The following USP43 variants were observed in gnomAD, a reference collection of about 807,000 sequenced individuals.
USP43 encodes the protein ubiquitin carboxyl-terminal hydrolase 43.
Under a neutral mutation model 90.7 loss-of-function variants are expected in USP43, and 33 were observed. The observed-to-expected ratio is 0.36, with a 90% CI of 0.28 to 0.49. The LOEUF (loss-of-function observed/expected upper bound fraction) is 0.49. Among genes scored for constraint, USP43 ranks in the 20% least tolerant of loss-of-function variants. The pLI is 0.98. For missense variants in USP43, 1,274 were observed against 1,476.4 expected (o/e 0.86, Z 2.25); for synonymous variants, 598 against 615.8 (o/e 0.97, Z 0.43).
intron 14 of USP43, among the ~76,000 whole-genome samples, chr17:9,724,167 C>A (rs1459671095): frequency 1.3e-5 from 2 of 152,126 alleles, no homozygotes; most frequent in Non-Finnish European, 2.9e-5. Context: ...GCAGCTTTGG[C>A]TCCCAGGGGC....
Position 9,682,842 on chromosome 17 carries a change from G to T in USP43, c.1125G>T (p.Ser375=), listed in dbSNP as rs371003431. ...TTCTAGCTCATCCACTGGGTCTGTCGGCCTCCCCACGCCTGGCAGCCCGTG... is the reference window on the plus strand; with the variant it reads ...TTCTAGCTCATCCACTGGGTCTGTCTGCCTCCCCACGCCTGGCAGCCCGTG... The part of the protein sequence containing the change: ...GTLSAHPLGL[S]ASPRLAAREG... Residue 375 remains serine (S), a synonymous_variant, in exon 7 of 15, where the codon TCG becomes TCT. Coordinates refer to ENST00000285199, the MANE Select transcript of USP43 (RefSeq NM_153210.5). The T allele has an allele frequency of 1.2e-6, 2 of 1,613,892 alleles. No individual in the cohort carries two copies. Among genetic ancestry groups the T allele is most frequent in the Non-Finnish European group, 8.5e-7 (1 of 1,179,832 alleles).
At chr17:9,658,315 T>A (rs1373928027) in intron 2 of USP43, among the ~76,000 whole-genome samples, 1 of 152,144 alleles carries the variant, frequency 6.6e-6, no homozygotes, top group Non-Finnish European at 1.5e-5. Context: ...CTTTATGTTT[T>A]CCAACTGTTA....
At chr17:9,717,383 G>T (rs549792216) in intron 14 of USP43, among the ~76,000 whole-genome samples, 1 of 152,002 alleles carries the variant, frequency 6.6e-6, no homozygotes, top group Admixed American at 6.6e-5. Flanking sequence ...GTGTGTGTGT[G>T]TGTGTGTGTA....
rs1362700868 is a variant in USP43 at position 9,709,343 on chromosome 17, T to C, written c.2012-613T>C. Among the ~76,000 whole-genome samples, 1 of 152,186 alleles carries C rather than the reference T, an allele frequency of 6.6e-6. No homozygotes were observed. The highest frequency in any genetic ancestry group is 1.5e-5 in the Non-Finnish European group (1 of 68,042). On this transcript the variant is annotated intron_variant, in intron 12 of 14. Coordinates refer to ENST00000285199, the MANE Select transcript of USP43 (RefSeq NM_153210.5). The surrounding 1 kb of genome is among the most constrained non-coding windows in gnomAD (Gnocchi z 5.0). Reference sequence around the variant, plus strand: ...AGAAATGGGGTGAACGCTGACATTATTGTTTGGCTACCTAACTTGGGAGCT... The same window carrying C: ...AGAAATGGGGTGAACGCTGACATTACTGTTTGGCTACCTAACTTGGGAGCT...
chr17:9,646,755 AGCCC>A (rs1212463752), intron 1 of USP43, among the ~76,000 whole-genome samples: 1 of 152,190 alleles, frequency 6.6e-6, no homozygotes, highest in Non-Finnish European at 1.5e-5. Context: ...TTTTATTCTA[AGCCC>A]AGTGGAATCT....
In USP43 at chr17:9,686,111, T is replaced by A; in HGVS notation, c.1242-687T>A. 6.6e-6 allele frequency among the ~76,000 whole-genome samples: 1 copy of A among 152,218 alleles called. No individual in the cohort carries two copies. The highest frequency in any genetic ancestry group is 1.9e-4 in the East Asian group (1 of 5,194). On this transcript the variant is annotated intron_variant, in intron 7 of 14. Transcript: ENST00000285199. This position sits in a 1 kb window ranked among gnomAD's most constrained non-coding sequence, Gnocchi z 5.5. ...CTTAACATAATGTCCTCCAGCCTCA[T>A]CCATCTTGCCGCAAACAACAGGATT... is the stretch of plus-strand genomic sequence containing the variant.
chr17:9,699,519 A>G lies in USP43; in HGVS notation c.1458-653A>G, dbSNP rs141384740. ...CCTTTTCTTGCAACACATTTGAAACACTCCTTTGGGTGTGGACGTTGCCAT... is the reference window on the plus strand; with the variant it reads ...CCTTTTCTTGCAACACATTTGAAACGCTCCTTTGGGTGTGGACGTTGCCAT... On this transcript the variant is annotated intron_variant, in intron 9 of 14. Transcript: ENST00000285199. Among the ~76,000 whole-genome samples the G allele has an allele frequency of 3.1e-3, 475 of 151,928 alleles. 1 individual carries two copies. The highest frequency in any genetic ancestry group is 6.3e-3 in the South Asian group (30 of 4,796).
intron 14 of USP43, among the ~76,000 whole-genome samples, chr17:9,715,947 CTA>C (rs201382749): frequency 0.019 from 2,814 of 146,034 alleles, 84 homozygotes; most frequent in African/African-American, 0.067. Context: ...TTCTGTGTGT[CTA>C]TGTGTATGTA....
At chr17:9,727,259 A>G (rs902396097) in intron 14 of USP43, among the ~76,000 whole-genome samples, 1 of 152,222 alleles carries the variant, frequency 6.6e-6, no homozygotes, top group African/African-American at 2.4e-5. Context: ...GCAAAAATAC[A>G]CAACCTTGGT....
At chr17:9,704,978 T>C (rs1303084951) in intron 12 of USP43, among the ~76,000 whole-genome samples, 1 of 152,234 alleles carries the variant, frequency 6.6e-6, no homozygotes, top group Non-Finnish European at 1.5e-5. Flanking sequence ...TTTGTTTCAT[T>C]TTAAATGTGG....
chr17:9,717,674 C>T (rs1035986266), intron 14 of USP43, among the ~76,000 whole-genome samples: 1 of 151,488 alleles, frequency 6.6e-6, no homozygotes, highest in Non-Finnish European at 1.5e-5. Context: ...AGTGTGAGTG[C>T]GAGTCTCCCT....
rs1491455898 is a variant in USP43, at chr17:9,681,462, T to TTTTTTA, written c.1105+1097_1105+1098insTTTTAT. Among the ~76,000 whole-genome samples the TTTTTTA allele has an allele frequency of 9.3e-3, 172 of 18,566 alleles. 3 individuals are homozygous for TTTTTTA. The highest frequency in any genetic ancestry group is 0.029 in the East Asian group (8 of 272). The allele number at this position is 18,566 out of a possible 152,430, so 12.2% of individuals were successfully genotyped here. A position where few individuals can be genotyped will look rare whatever the true frequency, so the allele number is the denominator to read the frequency against. Reference sequence around the variant, plus strand: ...TATAGATAAATATATATAAAATATATTATATATATATATATATATATATAT... The same window carrying TTTTTTA: ...TATAGATAAATATATATAAAATATATTTTTTATATATATATATATATATATATATAT... On this transcript the variant is annotated intron_variant, in intron 6 of 14. Coordinates refer to ENST00000285199, the MANE Select transcript of USP43 (RefSeq NM_153210.5).
At chr17:9,668,105 T>C (rs760543956) in intron 3 of USP43, among the ~76,000 whole-genome samples, 2 of 152,250 alleles carry the variant, frequency 1.3e-5, no homozygotes, top group Non-Finnish European at 2.9e-5. Context: ...TTCTCTATTA[T>C]GGATACCAAA....
chr17:9,656,549 A>G lies in USP43; in HGVS notation c.636+15A>G, dbSNP rs77805894. 0.029 allele frequency: 46,860 copies of G among 1,606,828 alleles called. 850 individuals carry two copies. The highest frequency in any genetic ancestry group is 0.06 in the Middle Eastern group (361 of 6,006). Reference sequence around the variant, plus strand: ...TGTCGGAGAAGGTCGGTCACTCTCAAAACAACACAATGTACTGGGTTTTCT... The same window carrying G: ...TGTCGGAGAAGGTCGGTCACTCTCAGAACAACACAATGTACTGGGTTTTCT... On this transcript the variant is annotated intron_variant, in intron 2 of 14. Transcript: ENST00000285199.
intron 7 of USP43, among the ~76,000 whole-genome samples, chr17:9,684,107 A>C (rs1914457280): frequency 6.6e-6 from 1 of 152,096 alleles, no homozygotes; most frequent in African/African-American, 2.4e-5. Flanking sequence ...ACTGCACTCC[A>C]GCCTGGGCGA....
rs1913630469 is a variant in USP43, at chr17:9,674,320, A to G, written c.741-571A>G. Among the ~76,000 whole-genome samples the G allele has an allele frequency of 6.6e-6, 1 of 152,188 alleles. No individual in the cohort carries two copies. Among genetic ancestry groups the G allele is most frequent in the South Asian group, 2.1e-4 (1 of 4,822 alleles). ...AAGTTAAGCATTCTAAAGCGTACAA[A>G]TCAGTGACATGTACATTCACAGTGT... On this transcript the variant is annotated intron_variant, in intron 3 of 14. Coordinates refer to ENST00000285199, the MANE Select transcript of USP43 (RefSeq NM_153210.5). The surrounding 1 kb of genome is among the most constrained non-coding windows in gnomAD (Gnocchi z 4.4).
intron 8 of USP43, among the ~76,000 whole-genome samples, chr17:9,692,342 G>C (rs544101283): frequency 1.3e-5 from 2 of 152,304 alleles, no homozygotes; most frequent in African/African-American, 4.8e-5. Context: ...CTGGGCGACA[G>C]AGTGAGACTT....
intron 8 of USP43, among the ~76,000 whole-genome samples, chr17:9,690,998 C>T (rs973950624): frequency 3.3e-5 from 5 of 152,130 alleles, no homozygotes; most frequent in Non-Finnish European, 7.3e-5. Context: ...TTTTAGGTAC[C>T]TTATATAACT....
chr17:9,653,851 C>G (rs1912043710), intron 1 of USP43, among the ~76,000 whole-genome samples: 1 of 152,056 alleles, frequency 6.6e-6, no homozygotes, highest in Non-Finnish European at 1.5e-5. Flanking sequence ...AGGGGAGAAC[C>G]TAGGGGCTGG....
Sources: gnomAD v4.1 joint callset for allele counts (sites outside exome capture counted in the v4.1 genomes callset) on GRCh38, gnomAD v4.1.1 for gene constraint, Gnocchi (gnomAD v3.1) non-coding constraint, MANE v1.5 for transcripts, NCBI Gene and HGNC (gene_info 2026-07-23, HGNC 2026-07-21) for gene names.